ERP44: variants seen among roughly 807,000 people sequenced by gnomAD.
ERP44 encodes endoplasmic reticulum resident protein 44.
ERP44 carries 25 observed loss-of-function variants against 53.4 expected under a neutral mutation model. The observed-to-expected ratio is 0.47, with a 90% CI of 0.34 to 0.65. The LOEUF is 0.65. Among genes scored for constraint, ERP44 ranks in the 30% least tolerant of loss-of-function variants. The pLI is 0.01. For missense variants in ERP44, 338 were observed against 493.2 expected, an observed-to-expected ratio of 0.69 and a Z score of 2.98; for synonymous variants, 145 against 161.2, an observed-to-expected ratio of 0.90 and a Z score of 0.76.
At chr9:99,990,218 C>T (rs1420905874) in intron 10 of ERP44, among the ~76,000 whole-genome samples, 3 of 152,148 alleles carry the variant, frequency 2.0e-5, no homozygotes, top group Non-Finnish European at 4.4e-5. Flanking sequence ...ACATAATTGT[C>T]AGATTCACCA....
chr9:100,052,639 C>T (rs1271599052), intron 3 of ERP44, 107 bp from the exon 4 acceptor site: 12 of 519,386 alleles, frequency 2.3e-5, no homozygotes, highest in South Asian at 1.7e-4. Context: ...AACGACTCTG[C>T]GAGATAATCA....
intron 10 of ERP44, among the ~76,000 whole-genome samples, chr9:99,999,890 A>G (rs773583169): frequency 8.5e-5 from 13 of 152,182 alleles, no homozygotes; most frequent in Non-Finnish European, 1.6e-4. Context: ...ATTCTTCTGC[A>G]TGTAGATATC....
At chr9:100,087,930 A>G (rs995701851) in intron 1 of ERP44, among the ~76,000 whole-genome samples, 3 of 152,196 alleles carry the variant, frequency 2.0e-5, no homozygotes, top group African/African-American at 7.2e-5. Context: ...TTTCTGTACC[A>G]TGAAAGTGTT....
At chr9:100,067,632 G>A (rs1352739708) in intron 1 of ERP44, among the ~76,000 whole-genome samples, 3 of 152,152 alleles carry the variant, frequency 2.0e-5, no homozygotes, top group Non-Finnish European at 4.4e-5. Context: ...GAAGTGAGGA[G>A]CGTCTCTGCC....
rs1195687161 is a variant in ERP44, at chr9:100,017,511, T to C, written c.645+745A>G. Among the ~76,000 whole-genome samples, 5 of 152,154 alleles carry C rather than the reference T, an allele frequency of 3.3e-5. 1 individual carries two copies. The highest frequency in any genetic ancestry group is 1.2e-4 in the African/African-American group (5 of 41,438). ...CAAAGAAATGTACTTGCAAAAAATA[T>C]AAGCAAACACCTATGTGAATTCAAA... On this transcript the variant is annotated intron_variant, in intron 7 of 11. Transcript: ENST00000262455.
chr9:100,021,844 A>G (rs914021130), intron 5 of ERP44, among the ~76,000 whole-genome samples, 198 bp downstream of exon 5: 7 of 152,206 alleles, frequency 4.6e-5, no homozygotes, highest in Non-Finnish European at 8.8e-5. Context: ...ACTGCATGCT[A>G]TATCTTTTAT....
At chr9:100,020,421 A>C (rs941568954) in intron 6 of ERP44, among the ~76,000 whole-genome samples, 195 bp downstream of exon 6, 9 of 152,204 alleles carry the variant, frequency 5.9e-5, no homozygotes, top group African/African-American at 2.2e-4. Context: ...TCTGAAATAG[A>C]TAATACTACA....
At chr9:99,986,561 G>A (rs556668032) in intron 10 of ERP44, among the ~76,000 whole-genome samples, 2 of 152,238 alleles carry the variant, frequency 1.3e-5, no homozygotes, top group East Asian at 3.9e-4. Context: ...GCAAACAATA[G>A]CTGGCTTGTA....
intron 1 of ERP44, among the ~76,000 whole-genome samples, chr9:100,066,316 C>T (rs369014250): frequency 3.3e-5 from 5 of 152,116 alleles, no homozygotes; most frequent in Non-Finnish European, 5.9e-5. Context: ...CAGAGATGTA[C>T]ATAGATGTTA....
chr9:100,070,075 T>G (rs1237662116), intron 1 of ERP44, among the ~76,000 whole-genome samples: 1 of 152,188 alleles, frequency 6.6e-6, no homozygotes, highest in African/African-American at 2.4e-5. Flanking sequence ...CTTCTAAAAC[T>G]CAAACTTCTA....
intron 10 of ERP44, among the ~76,000 whole-genome samples, chr9:99,991,343 G>C (rs1343158833): frequency 1.3e-5 from 2 of 152,180 alleles, no homozygotes; most frequent in African/African-American, 4.8e-5. Flanking sequence ...AATTAAATTA[G>C]AACTCAGGAT....
intron 10 of ERP44, among the ~76,000 whole-genome samples, chr9:100,004,350 G>A (rs1340809726): frequency 6.6e-6 from 1 of 152,214 alleles, no homozygotes; most frequent in Non-Finnish European, 1.5e-5. Flanking sequence ...CAGCTGGTCT[G>A]GAGCCTGAAG....
intron 10 of ERP44, among the ~76,000 whole-genome samples, chr9:99,992,671 A>G (rs1282658203): frequency 2.0e-5 from 3 of 152,222 alleles, no homozygotes; most frequent in African/African-American, 4.8e-5. Flanking sequence ...GGCCACGGCA[A>G]TCAGGCAGGA....
At chr9:100,065,072 T>C (rs527829740) in intron 1 of ERP44, among the ~76,000 whole-genome samples, 65 of 152,330 alleles carry the variant, frequency 4.3e-4, no homozygotes, top group African/African-American at 1.4e-3. Context: ...CAGTAATAAC[T>C]TAGGCCTTCT....
intron 10 of ERP44, 97 bp from the exon 11 acceptor site, chr9:99,985,166 TC>T (rs1830183216): frequency 1.4e-6 from 1 of 718,412 alleles, no homozygotes; most frequent in Admixed American, 2.2e-5. Context: ...TAACCTATAG[TC>T]CCACCATCCT....
chr9:100,085,396 AT>A (rs1826469113), intron 1 of ERP44, among the ~76,000 whole-genome samples: 1 of 152,222 alleles, frequency 6.6e-6, no homozygotes, highest in South Asian at 2.1e-4. Flanking sequence ...ACTTAAATAG[AT>A]TTGTTAAATC....
At chr9:100,085,396 A>G (rs1205219588) in intron 1 of ERP44, among the ~76,000 whole-genome samples, 1 of 152,222 alleles carries the variant, frequency 6.6e-6, no homozygotes, top group Non-Finnish European at 1.5e-5. Context: ...ACTTAAATAG[A>G]TTTGTTAAAT....
intron 3 of ERP44, among the ~76,000 whole-genome samples, chr9:100,055,645 A>G (rs987872965): frequency 4.6e-5 from 7 of 152,246 alleles, no homozygotes; most frequent in Non-Finnish European, 7.3e-5. Context: ...TGCTGGGATT[A>G]CAGGCGTGAG....
intron 10 of ERP44, among the ~76,000 whole-genome samples, chr9:99,996,648 C>T (rs1587956891): frequency 6.6e-6 from 1 of 152,104 alleles, no homozygotes; most frequent in South Asian, 2.1e-4. Flanking sequence ...GTATACACTA[C>T]ACCCTATTTG....
Sources: gnomAD v4.1 joint callset for allele counts (sites outside exome capture counted in the v4.1 genomes callset) on GRCh38, gnomAD v4.1.1 for gene constraint, MANE v1.5 for transcripts, NCBI Gene and HGNC (gene_info 2026-07-23, HGNC 2026-07-21) for gene names.